The following PLCXD3 variants were observed in gnomAD, a reference collection of about 807,000 sequenced individuals.
The protein encoded by PLCXD3 is phosphatidylinositol specific phospholipase C X domain containing 3.
A neutral mutation model predicts 25.5 loss-of-function variants in PLCXD3; 19 were observed. That is an observed-to-expected ratio of 0.75 (90% confidence interval 0.52 to 1.09). The LOEUF (loss-of-function observed/expected upper bound fraction) is 1.09, where lower values mean the gene tolerates loss of function less well. Among genes scored for constraint, PLCXD3 ranks in the 50% least tolerant of loss-of-function variants. PLCXD3 has a pLI of 0.00. For missense variants in PLCXD3, 411 were observed against 388.1 expected (o/e 1.06, Z -0.50); for synonymous variants, 174 against 137.6 (o/e 1.26, Z -1.85).
chr5:41,359,391 C>T (rs914786695), intron 2 of PLCXD3, among the ~76,000 whole-genome samples: 2 of 151,990 alleles, frequency 1.3e-5, no homozygotes, highest in African/African-American at 4.8e-5. Flanking sequence ...TTCAACCTTG[C>T]TGTTTGTTAT....
chr5:41,449,354 CT>C (rs1449265528), intron 1 of PLCXD3, among the ~76,000 whole-genome samples: 3 of 152,176 alleles, frequency 2.0e-5, no homozygotes, highest in Non-Finnish European at 4.4e-5. Context: ...TAAAGTATAG[CT>C]TAGAGCATAG....
intron 1 of PLCXD3, among the ~76,000 whole-genome samples, chr5:41,411,889 C>CAT (rs1356934427): frequency 2.7e-4 from 1 of 3,760 alleles, no homozygotes; most frequent in East Asian, 8.2e-4. Context: ...TATATGTATC[C>CAT]ATATATATAT....
At chr5:41,451,579 AG>A (rs776797676) in intron 1 of PLCXD3, among the ~76,000 whole-genome samples, 3 of 152,036 alleles carry the variant, frequency 2.0e-5, no homozygotes, top group Non-Finnish European at 4.4e-5. Context: ...AATATTTAAA[AG>A]CAGCCCCAAA....
chr5:41,498,195 GAAAT>G (rs1406852722), intron 1 of PLCXD3, among the ~76,000 whole-genome samples: 1 of 151,062 alleles, frequency 6.6e-6, no homozygotes, highest in Non-Finnish European at 1.5e-5. Context: ...GATTAGAGCA[GAAAT>G]AAATAAAATA....
chr5:41,503,092 T>C lies in PLCXD3; in HGVS notation c.103+7332A>G, dbSNP rs190808941. 2.0e-5 allele frequency among the ~76,000 whole-genome samples: 3 copies of C among 152,252 alleles called. No individual in the cohort carries two copies. The East Asian group carries it at 5.8e-4, about 29-fold the overall frequency. On this transcript the variant is annotated intron_variant, in intron 1 of 2. Coordinates refer to ENST00000377801, the MANE Select transcript of PLCXD3 (RefSeq NM_001005473.3). ...CTCCTACTCTTCTTCCTCCTCTAAA[T>C]GGCAGCATGGGTGTATAGCCTGAGA...
chr5:41,437,371 C>T (rs1311729718), intron 1 of PLCXD3, among the ~76,000 whole-genome samples: 1 of 152,178 alleles, frequency 6.6e-6, no homozygotes, highest in African/African-American at 2.4e-5. Flanking sequence ...AAAGTGAATG[C>T]ATAAAATACA....
At chr5:41,436,882 C>A (rs533114352) in intron 1 of PLCXD3, among the ~76,000 whole-genome samples, 2 of 152,244 alleles carry the variant, frequency 1.3e-5, no homozygotes, top group East Asian at 3.9e-4. Flanking sequence ...TTCATGTATT[C>A]TATACTTTTA....
Position 41,309,418 on chromosome 5 carries a change from A to G in PLCXD3, c.*4199T>C, listed in dbSNP as rs1475486073. 6.6e-6 allele frequency: 1 copy of G among 152,606 alleles called. No homozygotes were observed. Among genetic ancestry groups the G allele is most frequent in the Non-Finnish European group, 1.5e-5 (1 of 68,018 alleles). 9.5% of individuals were successfully genotyped at this position (152,606 alleles called of 1,614,324 possible). On this transcript the variant is annotated 3_prime_UTR_variant, in exon 3 of 3. Coordinates refer to ENST00000377801, the MANE Select transcript of PLCXD3 (RefSeq NM_001005473.3). ...AAAAGACTAAAGTGCTGTAAAATAA[A>G]ATGCTCTTAAAAACCTTGTTTAGCA... is the stretch of plus-strand genomic sequence containing the variant.
At chr5:41,471,339 C>T (rs749219148) in intron 1 of PLCXD3, among the ~76,000 whole-genome samples, 1 of 152,144 alleles carries the variant, frequency 6.6e-6, no homozygotes, top group Non-Finnish European at 1.5e-5. Context: ...AGAGAGAAAA[C>T]CCATGCACTA....
At chr5:41,397,180 G>A (rs1746032665) in intron 1 of PLCXD3, among the ~76,000 whole-genome samples, 1 of 152,136 alleles carries the variant, frequency 6.6e-6, no homozygotes, top group South Asian at 2.1e-4. Flanking sequence ...GACCTTTGTG[G>A]CAGCCCCTCC....
At chr5:41,453,648 T>C (rs933940646) in intron 1 of PLCXD3, among the ~76,000 whole-genome samples, 41 of 152,188 alleles carry the variant, frequency 2.7e-4, no homozygotes, top group African/African-American at 9.9e-4. Flanking sequence ...TTATGTTTTA[T>C]AGAGAGGCCA....
At chr5:41,486,673 C>G (rs1748524280) in intron 1 of PLCXD3, among the ~76,000 whole-genome samples, 1 of 152,074 alleles carries the variant, frequency 6.6e-6, no homozygotes, top group Non-Finnish European at 1.5e-5. Context: ...CTACCAGAGA[C>G]CCTGTTAGCA....
intron 2 of PLCXD3, among the ~76,000 whole-genome samples, chr5:41,333,124 A>AAAAC (rs528236304): frequency 0.036 from 5,455 of 151,792 alleles, 331 homozygotes; most frequent in African/African-American, 0.13. Context: ...ATAAAAGACA[A>AAAAC]AAACAAACAA....
chr5:41,398,825 T>C (rs1580350905), intron 1 of PLCXD3, among the ~76,000 whole-genome samples: 1 of 152,172 alleles, frequency 6.6e-6, no homozygotes, highest in African/African-American at 2.4e-5. Context: ...CTCACCTCTG[T>C]TATTCAACAT....
At chr5:41,335,342 C>G (rs1047541806) in intron 2 of PLCXD3, among the ~76,000 whole-genome samples, 2 of 152,096 alleles carry the variant, frequency 1.3e-5, no homozygotes, top group Non-Finnish European at 2.9e-5. Flanking sequence ...GTAGTTAGAT[C>G]CACTTAAGAG....
At chr5:41,510,284 G>T in intron 1 of PLCXD3, 140 bp downstream of exon 1, 1 of 731,826 alleles carries the variant, frequency 1.4e-6, no homozygotes, top group Non-Finnish European at 2.2e-6. Context: ...GCACGCGCTC[G>T]CCTGGCCTGA....
At chr5:41,372,598 T>C (rs1456947445) in intron 2 of PLCXD3, among the ~76,000 whole-genome samples, 1 of 152,010 alleles carries the variant, frequency 6.6e-6, no homozygotes, top group Non-Finnish European at 1.5e-5. Flanking sequence ...CCGGAGGACA[T>C]AGGATGAACT....
chr5:41,394,574 C>A (rs189990703), intron 1 of PLCXD3, among the ~76,000 whole-genome samples: 11 of 152,132 alleles, frequency 7.2e-5, no homozygotes, highest in South Asian at 2.1e-4. Context: ...AAGAAACACA[C>A]TTTACCCATA....
intron 2 of PLCXD3, among the ~76,000 whole-genome samples, chr5:41,325,562 T>A (rs1743602222): frequency 6.6e-6 from 1 of 152,226 alleles, no homozygotes; most frequent in African/African-American, 2.4e-5. Flanking sequence ...GTGCTTTACA[T>A]GTGAAAAGAA....
Sources: gnomAD v4.1 joint callset for allele counts (sites outside exome capture counted in the v4.1 genomes callset) on GRCh38, gnomAD v4.1.1 for gene constraint, MANE v1.5 for transcripts, NCBI Gene and HGNC (gene_info 2026-07-23, HGNC 2026-07-21) for gene names.